Variants in COL8A1 observed in about 807,000 individuals in gnomAD.
COL8A1 encodes collagen type VIII alpha 1 chain, also known as collagen alpha-1(VIII) chain.
Under a neutral mutation model 42.7 loss-of-function variants are expected in COL8A1, and 21 were observed. The ratio of observed to expected loss-of-function variants is 0.49; its 90% CI spans 0.35 to 0.71. The LOEUF is 0.71. Ranked by LOEUF, COL8A1 falls within the 30% of genes least tolerant of loss-of-function variation. The pLI is 0.01. For synonymous variants in COL8A1, 367 were observed against 369.1 expected (o/e 0.99, Z 0.06); for missense variants, 788 against 962.4 (o/e 0.82, Z 2.40).
At chr3:99,694,504 GC>G (rs1375367274) in intron 1 of COL8A1, among the ~76,000 whole-genome samples, 3 of 151,996 alleles carry the variant, frequency 2.0e-5, no homozygotes, top group Non-Finnish European at 4.4e-5. Context: ...AAAAAGAACT[GC>G]ATGGTGCCAT....
At chr3:99,738,155 T>C (rs1057284419) in intron 1 of COL8A1, among the ~76,000 whole-genome samples, 2 of 152,218 alleles carry the variant, frequency 1.3e-5, no homozygotes, top group Admixed American at 6.5e-5. Flanking sequence ...TTCAACTTCT[T>C]TGCCTTTGGT....
At chr3:99,755,212 G>A (rs772361353) in intron 2 of COL8A1, among the ~76,000 whole-genome samples, 1 of 152,036 alleles carries the variant, frequency 6.6e-6, no homozygotes, top group Non-Finnish European at 1.5e-5. Flanking sequence ...ATAAGTGAGG[G>A]TTCATATATC....
At chr3:99,700,237 T>TAG (rs1196431086) in intron 1 of COL8A1, among the ~76,000 whole-genome samples, 1 of 152,070 alleles carries the variant, frequency 6.6e-6, no homozygotes, top group Admixed American at 6.5e-5. Flanking sequence ...GAAATGCACG[T>TAG]ATACCTATGT....
chr3:99,647,767 T>G (rs539868383), intron 1 of COL8A1, among the ~76,000 whole-genome samples: 1 of 152,330 alleles, frequency 6.6e-6, no homozygotes, highest in East Asian at 1.9e-4. Context: ...TTTCTCACCA[T>G]CAATAGGGAG....
intron 1 of COL8A1, among the ~76,000 whole-genome samples, chr3:99,730,997 A>T (rs1282616026): frequency 6.6e-6 from 1 of 152,082 alleles, no homozygotes; most frequent in Non-Finnish European, 1.5e-5. Context: ...AGCACAAAGA[A>T]TATTTATTTG....
At chr3:99,662,549 C>T (rs1938240821) in intron 1 of COL8A1, among the ~76,000 whole-genome samples, 1 of 152,226 alleles carries the variant, frequency 6.6e-6, no homozygotes, top group Non-Finnish European at 1.5e-5. Flanking sequence ...TATATTTGAT[C>T]TATCTTTTGA....
intron 2 of COL8A1, among the ~76,000 whole-genome samples, chr3:99,775,167 G>T (rs1941671371): frequency 6.6e-6 from 1 of 152,144 alleles, no homozygotes; most frequent in Admixed American, 6.5e-5. Flanking sequence ...CCCCTGATGT[G>T]ATCAGGGATA....
intron 1 of COL8A1, among the ~76,000 whole-genome samples, chr3:99,716,417 A>T (rs780157692): frequency 6.6e-6 from 1 of 152,092 alleles, no homozygotes; most frequent in Non-Finnish European, 1.5e-5. Flanking sequence ...CAGAATGATT[A>T]GCACCAAAAT....
intron 1 of COL8A1, among the ~76,000 whole-genome samples, chr3:99,689,762 G>A (rs1008729182): frequency 6.6e-5 from 10 of 152,020 alleles, no homozygotes; most frequent in South Asian, 2.1e-4. Context: ...ACACAGACCT[G>A]GATGCAACCA....
intron 1 of COL8A1, among the ~76,000 whole-genome samples, chr3:99,710,227 G>T (rs941971727): frequency 1.3e-5 from 2 of 152,086 alleles, no homozygotes; most frequent in Non-Finnish European, 2.9e-5. Context: ...CCATGGAACT[G>T]GGATATTTCC....
chr3:99,705,265 T>C (rs577328759), intron 1 of COL8A1, among the ~76,000 whole-genome samples: 1 of 152,286 alleles, frequency 6.6e-6, no homozygotes, highest in African/African-American at 2.4e-5. Flanking sequence ...TTTAACAAAT[T>C]TATGGAGCCT....
rs115643615 is a variant in COL8A1, at chr3:99,705,971, C to T, written c.-128-38926C>T. On this transcript the variant is annotated intron_variant, in intron 1 of 3. Coordinates refer to ENST00000652472, the MANE Select transcript of COL8A1 (RefSeq NM_020351.4). ...TACATTTTTGTATCTTTCTATTCTA[C>T]ACTTTCATAAATATCTTAGGTATTT... Among the ~76,000 whole-genome samples, 395 of 152,236 alleles carry T rather than the reference C, an allele frequency of 2.6e-3. 2 individuals carry two copies. The highest frequency in any genetic ancestry group is 9.1e-3 in the African/African-American group (377 of 41,550).
intron 2 of COL8A1, among the ~76,000 whole-genome samples, chr3:99,779,301 T>A (rs1413403383): frequency 3.9e-5 from 6 of 152,196 alleles, no homozygotes; most frequent in African/African-American, 1.4e-4. Context: ...GTAGCAATAT[T>A]ATTATTCAAG....
intron 1 of COL8A1, among the ~76,000 whole-genome samples, chr3:99,647,597 G>C (rs1017423442): frequency 1.3e-5 from 2 of 152,072 alleles, no homozygotes; most frequent in Non-Finnish European, 2.9e-5. Context: ...ATACTGTATA[G>C]AGAGAAGCGG....
chr3:99,795,234 G>A lies in COL8A1; in HGVS notation c.1333G>A (p.Glu445Lys), dbSNP rs867581568. The A allele has an allele frequency of 6.2e-7, 1 of 1,613,520 alleles. No homozygotes were observed. Among genetic ancestry groups the A allele is most frequent in the South Asian group, 1.1e-5 (1 of 91,044 alleles). Residue 445 changes from glutamate (E) to lysine (K), a missense_variant, in exon 4 of 4, where the codon GAA becomes AAA. This residue lies in a region of COL8A1 where 154 missense variants were observed against 182.3 expected (regional missense o/e 0.84). Coordinates refer to ENST00000652472, the MANE Select transcript of COL8A1 (RefSeq NM_020351.4). ...GFPGKPGFLGEVGPPGMRGLP... is the reference protein window; with the variant it reads ...GFPGKPGFLGKVGPPGMRGLP... ...CCCAGGAAAGCCAGGTTTCCTTGGT[G>A]AAGTAGGGCCTCCTGGCATGAGGGG...
At chr3:99,736,570 G>C (rs1299978794) in intron 1 of COL8A1, among the ~76,000 whole-genome samples, 1 of 151,836 alleles carries the variant, frequency 6.6e-6, no homozygotes, top group Non-Finnish European at 1.5e-5. Flanking sequence ...CTGAGTTCTA[G>C]TTTGATTGCA....
At chr3:99,780,620 C>T (rs969222696) in intron 2 of COL8A1, among the ~76,000 whole-genome samples, 22 of 152,120 alleles carry the variant, frequency 1.4e-4, no homozygotes, top group African/African-American at 4.6e-4. Flanking sequence ...TGTTTATCAA[C>T]GAAATTCCAT....
At chr3:99,745,629 A>T (rs2107407127) in intron 2 of COL8A1, among the ~76,000 whole-genome samples, 1 of 152,294 alleles carries the variant, frequency 6.6e-6, no homozygotes, top group Middle Eastern at 3.4e-3. Context: ...CTGAAGTGAT[A>T]TGTACTAAAT....
intron 1 of COL8A1, among the ~76,000 whole-genome samples, chr3:99,744,642 T>C (rs1940984079): frequency 6.6e-6 from 1 of 152,234 alleles, no homozygotes; most frequent in African/African-American, 2.4e-5. Flanking sequence ...TCTTTCCAAT[T>C]ATCTCCAATA....
Sources: allele counts gnomAD v4.1 joint callset (sites outside exome capture counted in the v4.1 genomes callset), GRCh38; gene constraint gnomAD v4.1.1; regional missense constraint gnomAD v4.1.1; transcripts MANE v1.5; gene names NCBI Gene and HGNC (gene_info 2026-07-23, HGNC 2026-07-21).